The following DDR2 variants were observed in gnomAD, a reference collection of about 807,000 sequenced individuals.
The protein encoded by DDR2 is discoidin domain-containing receptor 2.
A neutral mutation model predicts 94.9 loss-of-function variants in DDR2; 27 were observed. The observed-to-expected ratio is 0.28, with a 90% CI of 0.21 to 0.39. The LOEUF (loss-of-function observed/expected upper bound fraction) is 0.39. Among genes scored for constraint, DDR2 ranks in the 10% least tolerant of loss-of-function variants. The pLI is 1.00. For synonymous variants in DDR2, 382 were observed against 377.2 expected, an observed-to-expected ratio of 1.01 and a Z score of -0.15; for missense variants, 783 against 1,076.0, an observed-to-expected ratio of 0.73 and a Z score of 3.81.
chr1:162,744,534 T>C (rs1349918454), intron 3 of DDR2, among the ~76,000 whole-genome samples: 1 of 152,220 alleles, frequency 6.6e-6, no homozygotes, highest in Non-Finnish European at 1.5e-5. Context: ...ATTATCATTA[T>C]ACTTTAAGTT....
chr1:162,652,276 C>G (rs1428640950), intron 1 of DDR2, among the ~76,000 whole-genome samples: 1 of 152,160 alleles, frequency 6.6e-6, no homozygotes, highest in Non-Finnish European at 1.5e-5. Context: ...CCTTATGGAC[C>G]TACAAATGCA....
rs1648127288 is a variant in DDR2 at position 162,785,847 on chromosome 1, A to T, written c.*5601A>T. The T allele has an allele frequency of 6.6e-6, 1 of 152,174 alleles. No homozygotes were observed. The highest frequency in any genetic ancestry group is 2.4e-5 in the African/African-American group (1 of 41,448). 9.4% of individuals were successfully genotyped at this position (152,174 alleles called of 1,614,324 possible). On this transcript the variant is annotated 3_prime_UTR_variant, in exon 18 of 18. Coordinates refer to ENST00000367921, the MANE Select transcript of DDR2 (RefSeq NM_006182.4). ...AGAAATTGATCTATAGAACTGCTTA[A>T]TTTTTTGAGGCATTTAGACAGCAAT...
At chr1:162,673,602 TGTGTGTGA>T (rs1658980864) in intron 2 of DDR2, among the ~76,000 whole-genome samples, 40 of 116,014 alleles carry the variant, frequency 3.4e-4, no homozygotes, top group South Asian at 2.6e-3. Flanking sequence ...TGTATGTGTG[TGTGTGTGA>T]GAGAGAGAGA....
rs1190211100 is a variant in DDR2, at chr1:162,783,400, A to G, written c.*3154A>G. 1.3e-5 allele frequency: 2 copies of G among 152,144 alleles called. No individual in the cohort carries two copies. Among genetic ancestry groups the G allele is most frequent in the African/African-American group, 4.8e-5 (2 of 41,430 alleles). The allele number at this position is 152,144 out of a possible 1,614,324, so 9.4% of individuals were successfully genotyped here. A position where few individuals can be genotyped will look rare whatever the true frequency, so the allele number is the denominator to read the frequency against. ...GACTGTGTGCAAGTGGGGTGAAAAA[A>G]AAGGATACGTGAATGTGCATATGAC... is the stretch of plus-strand genomic sequence containing the variant. On this transcript the variant is annotated 3_prime_UTR_variant, in exon 18 of 18. Transcript: ENST00000367921.
chr1:162,719,459 C>T (rs560341273), intron 3 of DDR2, among the ~76,000 whole-genome samples: 1 of 152,214 alleles, frequency 6.6e-6, no homozygotes, highest in South Asian at 2.1e-4. Context: ...AAAAACAGGA[C>T]AGAATTTTTA....
At chr1:162,638,861 C>T (rs962478144) in intron 1 of DDR2, among the ~76,000 whole-genome samples, 6 of 152,078 alleles carry the variant, frequency 3.9e-5, no homozygotes, top group African/African-American at 7.2e-5. Context: ...GACATAATAA[C>T]GCTAAAATAG....
intron 2 of DDR2, among the ~76,000 whole-genome samples, chr1:162,684,827 AC>A (rs1279888897): frequency 7.4e-6 from 1 of 136,054 alleles, no homozygotes; most frequent in African/African-American, 3.2e-5. Context: ...ACACACACAC[AC>A]ACACACACAC....
intron 2 of DDR2, among the ~76,000 whole-genome samples, chr1:162,688,324 G>A (rs1240420691): frequency 6.6e-6 from 1 of 152,182 alleles, no homozygotes; most frequent in Non-Finnish European, 1.5e-5. Context: ...GCTAGCCTGT[G>A]CTGCATGCCT....
rs1033579619 is a variant in DDR2, at chr1:162,783,016, A to T, written c.*2770A>T. ...ACAGAATACATGGTGAGGGCCTAGTATGTAGAATTTGAAAGTAGTTCAAAT... is the reference window on the plus strand; with the variant it reads ...ACAGAATACATGGTGAGGGCCTAGTTTGTAGAATTTGAAAGTAGTTCAAAT... On this transcript the variant is annotated 3_prime_UTR_variant, in exon 18 of 18. Transcript: ENST00000367921. 2.0e-5 allele frequency: 3 copies of T among 152,170 alleles called. No homozygotes were observed. The highest frequency in any genetic ancestry group is 7.2e-5 in the African/African-American group (3 of 41,450). 9.4% of individuals were successfully genotyped at this position (152,170 alleles called of 1,614,324 possible). A position where few individuals can be genotyped will look rare whatever the true frequency, so the allele number is the denominator to read the frequency against.
chr1:162,661,754 C>G (rs1010668230), intron 2 of DDR2, among the ~76,000 whole-genome samples: 1 of 152,196 alleles, frequency 6.6e-6, no homozygotes, highest in African/African-American at 2.4e-5. Flanking sequence ...TCTTGGTTTT[C>G]TTTCCAGAAC....
intron 3 of DDR2, among the ~76,000 whole-genome samples, chr1:162,725,805 T>C (rs1312702865): frequency 6.6e-6 from 1 of 152,216 alleles, no homozygotes; most frequent in African/African-American, 2.4e-5. Flanking sequence ...ATCCCAAACT[T>C]AATGTGTGAA....
intron 3 of DDR2, among the ~76,000 whole-genome samples, chr1:162,725,940 T>C (rs1661643210): frequency 6.6e-6 from 1 of 152,178 alleles, no homozygotes; most frequent in Non-Finnish European, 1.5e-5. Flanking sequence ...ATGAGGAAAC[T>C]GAGGTTTAGG....
chr1:162,706,238 C>T (rs909182562), intron 2 of DDR2, among the ~76,000 whole-genome samples: 5 of 152,156 alleles, frequency 3.3e-5, no homozygotes, highest in African/African-American at 1.2e-4. Flanking sequence ...ACTCATCTAC[C>T]CAGCACATTC....
rs556636538 is a variant in DDR2 at position 162,648,300 on chromosome 1, A to G, written c.-191-6911A>G. On this transcript the variant is annotated intron_variant, in intron 1 of 17. Transcript: ENST00000367921. The stretch of plus-strand genomic sequence containing the variant: ...ATTGGAATAAATTGGATAGCCAGGT[A>G]GCAAAGAGCAGTGGAACAGACACTT... 3.0e-4 allele frequency among the ~76,000 whole-genome samples: 45 copies of G among 152,304 alleles called. 1 individual carries two copies. In the South Asian group the frequency reaches 5.6e-3, roughly 19 times the overall value.
At chr1:162,749,282 G>C (rs184223619) in intron 3 of DDR2, among the ~76,000 whole-genome samples, 4 of 152,118 alleles carry the variant, frequency 2.6e-5, no homozygotes, top group African/African-American at 9.7e-5. Context: ...GAAGAAAGGA[G>C]AGAAGAATCA....
intron 16 of DDR2, chr1:162,778,120 ATC>A (rs1231021732): frequency 7.7e-6 from 2 of 259,210 alleles, no homozygotes; most frequent in African/African-American, 4.5e-5. Context: ...TTACACCTGA[ATC>A]TCATTGCTGT....
At chr1:162,720,016 A>G (rs1464238467) in intron 3 of DDR2, among the ~76,000 whole-genome samples, 1 of 152,188 alleles carries the variant, frequency 6.6e-6, no homozygotes, top group Non-Finnish European at 1.5e-5. Context: ...TTTTCAAGCC[A>G]CTGCTGAAAT....
At chr1:162,761,515 G>A in intron 9 of DDR2, 61 bp downstream of exon 9, 1 of 1,612,848 alleles carries the variant, frequency 6.2e-7, no homozygotes, top group South Asian at 1.1e-5. Context: ...GAATGCACAT[G>A]CCCAGAACTT....
intron 3 of DDR2, among the ~76,000 whole-genome samples, chr1:162,729,301 T>TATATATATATA (rs755861408): frequency 8.3e-5 from 5 of 60,116 alleles, no homozygotes; most frequent in East Asian, 4.1e-4. Flanking sequence ...TATATATATA[T>TATATATATATA]TTTTTTTTTT....
Sources: gnomAD v4.1 joint callset for allele counts (sites outside exome capture counted in the v4.1 genomes callset) on GRCh38, gnomAD v4.1.1 for gene constraint, MANE v1.5 for transcripts, NCBI Gene and HGNC (gene_info 2026-07-23, HGNC 2026-07-21) for gene names.